The following AGBL4 variants were observed in gnomAD, a reference collection of about 807,000 sequenced individuals.
The protein encoded by AGBL4 is cytosolic carboxypeptidase 6.
A neutral mutation model predicts 66.4 loss-of-function variants in AGBL4; 58 were observed. The ratio of observed to expected loss-of-function variants is 0.87; its 90% confidence interval spans 0.71 to 1.09. The LOEUF (loss-of-function observed/expected upper bound fraction) is 1.09. AGBL4 is among the 50% of genes least tolerant of loss of function. AGBL4 has a pLI of 0.00. For missense variants in AGBL4, 579 were observed against 631.0 expected (o/e 0.92, Z 0.88); for synonymous variants, 234 against 222.9 (o/e 1.05, Z -0.44).
At chr1:49,119,121 A>C (rs373242369) in intron 4 of AGBL4, among the ~76,000 whole-genome samples, 3 of 151,538 alleles carry the variant, frequency 2.0e-5, no homozygotes, top group African/African-American at 7.3e-5. Context: ...GTGTTCTATC[A>C]ATTTTGTTGA....
intron 5 of AGBL4, among the ~76,000 whole-genome samples, chr1:49,041,105 G>C (rs1643930030): frequency 6.6e-6 from 1 of 152,052 alleles, no homozygotes; most frequent in Non-Finnish European, 1.5e-5. Context: ...ATTAGTACCA[G>C]TAACAACTAT....
chr1:48,837,939 C>T lies in AGBL4; in HGVS notation c.634+29252G>A, dbSNP rs527267396. Among the ~76,000 whole-genome samples, 5 of 151,728 alleles carry T rather than the reference C, an allele frequency of 3.3e-5. No individual in the cohort carries two copies. In the South Asian group the frequency reaches 8.3e-4, roughly 25 times the overall value. On this transcript the variant is annotated intron_variant, in intron 6 of 13. Transcript: ENST00000371839. ...ATCAGGAAGATTATACTACTTGATT[C>T]TGGTTCTTTTTAGAACCATATGACT...
intron 4 of AGBL4, among the ~76,000 whole-genome samples, chr1:49,049,459 A>G (rs1235119396): frequency 6.6e-6 from 1 of 152,180 alleles, no homozygotes; most frequent in Non-Finnish European, 1.5e-5. Context: ...CAATAAAAGT[A>G]AATGGATATT....
chr1:49,314,361 T>C (rs1363551120), intron 3 of AGBL4, among the ~76,000 whole-genome samples: 2 of 152,032 alleles, frequency 1.3e-5, no homozygotes, highest in Non-Finnish European at 2.9e-5. Flanking sequence ...TAGGTATTTC[T>C]CCTAATGCTA....
At chr1:49,415,272 A>G (rs935810875) in intron 3 of AGBL4, among the ~76,000 whole-genome samples, 1 of 152,156 alleles carries the variant, frequency 6.6e-6, no homozygotes, top group Non-Finnish European at 1.5e-5. Flanking sequence ...GAAGGACTGT[A>G]TTACTTATAT....
intron 2 of AGBL4, among the ~76,000 whole-genome samples, chr1:49,760,756 G>A (rs924843229): frequency 2.6e-5 from 4 of 152,068 alleles, no homozygotes; most frequent in African/African-American, 4.8e-5. Flanking sequence ...CAATAGAAAA[G>A]ACATAGAACC....
intron 2 of AGBL4, among the ~76,000 whole-genome samples, chr1:49,730,836 G>T (rs1279646582): frequency 6.6e-6 from 1 of 152,192 alleles, no homozygotes; most frequent in Non-Finnish European, 1.5e-5. Context: ...CTGGCGAAGT[G>T]GCACAGAACA....
intron 3 of AGBL4, among the ~76,000 whole-genome samples, chr1:49,572,182 TAAG>T (rs1178092527): frequency 6.6e-6 from 1 of 152,184 alleles, no homozygotes; most frequent in East Asian, 1.9e-4. Context: ...AGCATTCAAC[TAAG>T]AATACATAGG....
chr1:49,588,238 C>T (rs1644687634), intron 3 of AGBL4, among the ~76,000 whole-genome samples: 1 of 152,144 alleles, frequency 6.6e-6, no homozygotes, highest in African/African-American at 2.4e-5. Context: ...TATAATACAC[C>T]ATAATGCTTT....
chr1:50,013,350 T>C (rs1661695095), intron 1 of AGBL4, among the ~76,000 whole-genome samples: 1 of 152,184 alleles, frequency 6.6e-6, no homozygotes, highest in Admixed American at 6.5e-5. Flanking sequence ...GTGTAGTTTC[T>C]ATTAAATTGA....
chr1:48,626,035 CT>C (rs1369431052), intron 9 of AGBL4, among the ~76,000 whole-genome samples: 2 of 152,228 alleles, frequency 1.3e-5, no homozygotes, highest in Non-Finnish European at 2.9e-5. Context: ...TCAGAGCCCC[CT>C]GTACAATATC....
At chr1:49,546,362 C>A (rs935380807) in intron 3 of AGBL4, among the ~76,000 whole-genome samples, 4 of 150,356 alleles carry the variant, frequency 2.7e-5, no homozygotes, top group African/African-American at 9.8e-5. Context: ...TATATATATT[C>A]CATCATTATA....
chr1:48,920,732 C>A (rs755727719), intron 5 of AGBL4, among the ~76,000 whole-genome samples: 1 of 152,116 alleles, frequency 6.6e-6, no homozygotes, highest in African/African-American at 2.4e-5. Flanking sequence ...CCTGTGCTTC[C>A]GCATGTTGGA....
At chr1:48,529,526 C>T (rs559657074), downstream of AGBL4, among the ~76,000 whole-genome samples, 1 of 152,122 alleles carries the variant, frequency 6.6e-6, no homozygotes, top group Non-Finnish European at 1.5e-5. Context: ...GGGATTCACA[C>T]TCAGGTTGGC....
At chr1:49,644,586 G>A (rs1466048905) in intron 3 of AGBL4, among the ~76,000 whole-genome samples, 1 of 151,500 alleles carries the variant, frequency 6.6e-6, no homozygotes, top group African/African-American at 2.4e-5. Context: ...AAGAAAACAT[G>A]ACAATGATAA....
intron 3 of AGBL4, among the ~76,000 whole-genome samples, chr1:49,512,598 T>C (rs1386621766): frequency 6.6e-6 from 1 of 151,842 alleles, no homozygotes; most frequent in African/African-American, 2.4e-5. Context: ...CTCTTTGCCT[T>C]CTGCCGTGAT....
intron 1 of AGBL4, among the ~76,000 whole-genome samples, chr1:49,917,854 T>C (rs1459702142): frequency 6.6e-6 from 1 of 152,070 alleles, no homozygotes; most frequent in Non-Finnish European, 1.5e-5. Context: ...CCTCAGCAAA[T>C]GCAAAACAAC....
intron 3 of AGBL4, among the ~76,000 whole-genome samples, chr1:49,608,147 G>A (rs533819299): frequency 6.6e-6 from 1 of 152,200 alleles, no homozygotes; most frequent in East Asian, 1.9e-4. Context: ...AGAGCAGTAG[G>A]AGTTCACTAG....
At chr1:49,192,107 T>TCTGTTG (rs1647131788) in intron 4 of AGBL4, among the ~76,000 whole-genome samples, 1 of 152,202 alleles carries the variant, frequency 6.6e-6, no homozygotes, top group East Asian at 1.9e-4. Flanking sequence ...CTCTGCAACC[T>TCTGTTG]CACCAGCATC....
Sources: allele counts gnomAD v4.1 joint callset (sites outside exome capture counted in the v4.1 genomes callset), GRCh38; gene constraint gnomAD v4.1.1; transcripts MANE v1.5; gene names NCBI Gene and HGNC (gene_info 2026-07-23, HGNC 2026-07-21).